Variants in MZT2B observed in about 807,000 individuals in gnomAD.
MZT2B encodes the protein mitotic spindle organizing protein 2B.
A neutral mutation model predicts 12.1 loss-of-function variants in MZT2B; 11 were observed. The ratio of observed to expected loss-of-function variants is 0.91; its 90% CI spans 0.57 to 1.50. The LOEUF (loss-of-function observed/expected upper bound fraction) is 1.50. MZT2B is among the 40% of genes most tolerant of loss of function. The pLI is 0.00. For synonymous variants in MZT2B, 85 were observed against 109.5 expected, an observed-to-expected ratio of 0.78 and a Z score of 1.40; for missense variants, 209 against 227.7, an observed-to-expected ratio of 0.92 and a Z score of 0.53.
At chr2:130,182,237 TA>T, upstream of MZT2B, 3 of 1,231,088 alleles carry the variant, frequency 2.4e-6, no homozygotes, top group South Asian at 1.0e-4. Flanking sequence ...GCGCAGCCGC[TA>T]GGGGGCGCGG....
chr2:130,184,387 G>A (rs1241045486), intron 2 of MZT2B: 7 of 985,314 alleles, frequency 7.1e-6, no homozygotes, highest in Non-Finnish European at 7.2e-6. Context: ...CACCTTCCCA[G>A]AGTCTCCTGG....
rs1484835881 is a variant in MZT2B, at chr2:130,182,397, G to C, written c.115G>C (p.Glu39Gln). The C allele has an allele frequency of 1.3e-6, 2 of 1,562,654 alleles. No individual in the cohort carries two copies. The highest frequency in any genetic ancestry group is 8.6e-7 in the Non-Finnish European group (1 of 1,157,346). Residue 39 changes from glutamate to glutamine, a missense_variant, in exon 1 of 3, where the codon GAG becomes CAG. Coordinates refer to ENST00000281871, the MANE Select transcript of MZT2B (RefSeq NM_025029.5). ...RKKVLSTEEM[E>Q]LYELAQAAGG... The stretch of plus-strand genomic sequence containing the variant: ...GAAGGTGCTGAGCACCGAGGAGATG[G>C]AGCTGTACGAGCTGGCGCAGGCGGC...
upstream of MZT2B, chr2:130,181,787 G>A (rs1450815266): frequency 1.1e-4 from 174 of 1,547,044 alleles, no homozygotes; most frequent in Non-Finnish European, 1.5e-4. Context: ...GGCGGCCTCC[G>A]GCGCCCCAAG....
intron 2 of MZT2B, chr2:130,184,869 G>A: frequency 1.0e-6 from 1 of 985,340 alleles, no homozygotes; most frequent in Non-Finnish European, 1.2e-6. Context: ...AGGCAGTGAG[G>A]AAAACCACCA....
chr2:130,198,613 T>C, the MZT2B span, among the ~76,000 whole-genome samples: 1 of 122,500 alleles, frequency 8.2e-6, no homozygotes, highest in African/African-American at 2.9e-5. Flanking sequence ...GGCAGCGGGG[T>C]CATCAAAGGC....
At chr2:130,202,835 AC>A in the MZT2B span, among the ~76,000 whole-genome samples, 3 of 152,068 alleles carry the variant, frequency 2.0e-5, no homozygotes, top group African/African-American at 7.2e-5. Flanking sequence ...GACACCAGTG[AC>A]CTCGTCCTTC....
At chr2:130,184,617 A>G in intron 2 of MZT2B, 1 of 985,394 alleles carries the variant, frequency 1.0e-6, no homozygotes, top group Non-Finnish European at 1.2e-6. Flanking sequence ...GCTCGGACCC[A>G]AGGGAGGGTG....
downstream of MZT2B, among the ~76,000 whole-genome samples, chr2:130,192,833 A>G (rs148433931): frequency 1.3e-5 from 2 of 152,252 alleles, no homozygotes; most frequent in East Asian, 3.9e-4. Context: ...TGGTGGCTCA[A>G]GCCTGTGACC....
chr2:130,182,122 G>A (rs1329877094), upstream of MZT2B: 1 of 1,277,840 alleles, frequency 7.8e-7, no homozygotes, highest in Admixed American at 3.9e-5. Flanking sequence ...AATAACTGTT[G>A]GGCTTCAATG....
chr2:130,191,254 C>T (rs61284359), downstream of MZT2B, among the ~76,000 whole-genome samples: 14 of 152,302 alleles, frequency 9.2e-5, no homozygotes, highest in East Asian at 2.7e-3. Flanking sequence ...GCACAGAGGG[C>T]GAACGCTGCC....
chr2:130,190,394 A>G, intron 2 of MZT2B, 75 bp from the exon 3 acceptor site: 1 of 1,583,718 alleles, frequency 6.3e-7, no homozygotes, highest in Non-Finnish European at 8.6e-7. Context: ...ATGTTGCCCA[A>G]GGACCACGAG....
chr2:130,181,691 G>A (rs1302510698), upstream of MZT2B: 27 of 1,548,370 alleles, frequency 1.7e-5, no homozygotes, highest in Non-Finnish European at 1.9e-5. Flanking sequence ...CGTGCGCAAA[G>A]CGAAGGCCGG....
Position 130,188,264 on chromosome 2 carries a change from A to C in MZT2B, c.320-2205A>C, listed in dbSNP as rs145554553. The C allele has an allele frequency of 5.2e-3, 847 of 164,162 alleles. 44 individuals carry two copies. In the East Asian group the frequency reaches 0.13, roughly 25 times the overall value. The allele number at this position is 164,162 out of a possible 1,614,324, so 10.2% of individuals were successfully genotyped here. A position where few individuals can be genotyped will look rare whatever the true frequency, so the allele number is the denominator to read the frequency against. On this transcript the variant is annotated intron_variant, in intron 2 of 2. Transcript: ENST00000281871. ...GGAGCTGAGAGCGCATGGGCACCTA[A>C]GCACCCAGATTAGGCTGCGGCTACA...
At chr2:130,198,287 G>A in the MZT2B span, 2,028 of 1,338,602 alleles carry the variant, frequency 1.5e-3, 560 homozygotes, top group Admixed American at 3.3e-3. Context: ...CCGCAACAAC[G>A]TCCCTCTGTC....
chr2:130,182,914 C>T (rs1689829163), intron 2 of MZT2B, 139 bp downstream of exon 2: 5 of 1,236,474 alleles, frequency 4.0e-6, no homozygotes, highest in Non-Finnish European at 5.5e-6. Flanking sequence ...AGGGCCCATC[C>T]GTGGGCTCTG....
intron 2 of MZT2B, among the ~76,000 whole-genome samples, chr2:130,189,464 A>G (rs13029827): frequency 0.41 from 61,553 of 151,954 alleles, 12,653 homozygotes; most frequent in Admixed American, 0.48. Context: ...CAAAGGAAAC[A>G]CTGGGGGGAT....
downstream of MZT2B, among the ~76,000 whole-genome samples, chr2:130,192,551 C>A (rs1690292286): frequency 6.6e-6 from 1 of 152,154 alleles, no homozygotes; most frequent in Non-Finnish European, 1.5e-5. Flanking sequence ...CACTTCTGAC[C>A]CACAAAACAA....
At chr2:130,181,981 G>C (rs1354836478), upstream of MZT2B, 2 of 1,387,974 alleles carry the variant, frequency 1.4e-6, no homozygotes, top group Admixed American at 2.4e-5. Context: ...CACTGGGCTG[G>C]GTGCTGCCAC....
chr2:130,182,547 C>T (rs1255183445), intron 1 of MZT2B, 80 bp from the exon 2 acceptor site: 31 of 1,560,646 alleles, frequency 2.0e-5, no homozygotes, highest in Non-Finnish European at 2.6e-5. Context: ...GGAGCCCCCG[C>T]CCCCGTCCTT....
Sources: gnomAD v4.1 joint callset for allele counts (sites outside exome capture counted in the v4.1 genomes callset) on GRCh38, gnomAD v4.1.1 for gene constraint, MANE v1.5 for transcripts, NCBI Gene and HGNC (gene_info 2026-07-23, HGNC 2026-07-21) for gene names.